SUSD1: variants seen among roughly 807,000 people sequenced by gnomAD.
The protein encoded by SUSD1 is sushi domain containing 1.
In SUSD1, 65 loss-of-function variants were observed where a neutral mutation model predicts 86.9. The observed-to-expected ratio is 0.75, with a 90% CI of 0.61 to 0.92. The LOEUF is 0.92. Ranked by LOEUF, SUSD1 falls within the 40% of genes least tolerant of loss-of-function variation. SUSD1 has a pLI of 0.00. For missense variants in SUSD1, 850 were observed against 929.7 expected, an observed-to-expected ratio of 0.91 and a Z score of 1.11; for synonymous variants, 346 against 350.0, an observed-to-expected ratio of 0.99 and a Z score of 0.13.
At chr9:112,131,527 C>T (rs1013778557) in intron 5 of SUSD1, among the ~76,000 whole-genome samples, 3 of 152,188 alleles carry the variant, frequency 2.0e-5, no homozygotes, top group Admixed American at 6.5e-5. Flanking sequence ...TTCCCAGCTA[C>T]TGCCACTTCT....
At chr9:112,052,759 C>A (rs1332907500) in intron 14 of SUSD1, among the ~76,000 whole-genome samples, 2 of 152,146 alleles carry the variant, frequency 1.3e-5, no homozygotes, top group Non-Finnish European at 2.9e-5. Context: ...CTGGCATGGA[C>A]CGCCTAGAGA....
chr9:112,063,165 C>T, intron 12 of SUSD1, 132 bp from the exon 13 acceptor site: 1 of 512,214 alleles, frequency 2.0e-6, no homozygotes, highest in Admixed American at 3.4e-5. Context: ...CTGTACATGC[C>T]ACAATGTGGA....
intron 5 of SUSD1, among the ~76,000 whole-genome samples, chr9:112,139,149 T>A (rs1306021519): frequency 6.6e-6 from 1 of 152,142 alleles, no homozygotes; most frequent in Non-Finnish European, 1.5e-5. Flanking sequence ...ATAGGTGAAA[T>A]CTCCCAAATC....
At chr9:112,100,429 A>G (rs1356351229) in intron 9 of SUSD1, among the ~76,000 whole-genome samples, 2 of 151,512 alleles carry the variant, frequency 1.3e-5, no homozygotes, top group Non-Finnish European at 2.9e-5. Context: ...CTCGTGATCC[A>G]CCCGCCTTGG....
chr9:112,055,200 T>G (rs961420690), intron 14 of SUSD1, among the ~76,000 whole-genome samples: 4 of 152,156 alleles, frequency 2.6e-5, no homozygotes, highest in Admixed American at 6.5e-5. Context: ...CCAAGGCAGG[T>G]GGATCGCTTG....
chr9:112,052,500 G>C (rs1004736781), intron 14 of SUSD1, 62 bp from the exon 15 acceptor site: 15 of 1,591,746 alleles, frequency 9.4e-6, no homozygotes, highest in Admixed American at 1.7e-5. Context: ...TTTAAATATA[G>C]TTTGGAGGCT....
chr9:112,078,807 TTCTC>T (rs1294678939), intron 11 of SUSD1, 83 bp from the exon 12 acceptor site: 4 of 1,176,610 alleles, frequency 3.4e-6, no homozygotes, highest in Non-Finnish European at 4.7e-6. Flanking sequence ...TCCTTTTTCT[TTCTC>T]TTTTTTTTTT....
chr9:112,104,634 G>A (rs993787655), intron 8 of SUSD1: 2 of 152,172 alleles, frequency 1.3e-5, no homozygotes, highest in African/African-American at 4.8e-5. Context: ...AAAGCACGGG[G>A]TGGTGGGCTT....
intron 5 of SUSD1, among the ~76,000 whole-genome samples, chr9:112,131,995 A>G (rs1832054335): frequency 6.6e-6 from 1 of 152,204 alleles, no homozygotes; most frequent in South Asian, 2.1e-4. Flanking sequence ...CTTATATCTC[A>G]TATCTTGAAG....
chr9:112,150,341 T>C (rs779132692), intron 2 of SUSD1, among the ~76,000 whole-genome samples: 1 of 152,250 alleles, frequency 6.6e-6, no homozygotes, highest in African/African-American at 2.4e-5. Context: ...ATCTACACAG[T>C]TAGCTTTTTT....
At chr9:112,112,518 C>G (rs140173216) in intron 7 of SUSD1, among the ~76,000 whole-genome samples, 9 of 152,200 alleles carry the variant, frequency 5.9e-5, no homozygotes, top group African/African-American at 1.9e-4. Context: ...CACCTCTAAT[C>G]CCAGCTACTC....
chr9:112,139,379 T>TAA, intron 5 of SUSD1, among the ~76,000 whole-genome samples: 2 of 152,278 alleles, frequency 1.3e-5, no homozygotes, highest in Admixed American at 1.3e-4. Context: ...AAACCCAGAT[T>TAA]AATTCATTCC....
At chr9:112,061,856 C>A (rs746155612) in intron 13 of SUSD1, among the ~76,000 whole-genome samples, 10 of 151,508 alleles carry the variant, frequency 6.6e-5, no homozygotes, top group Non-Finnish European at 1.0e-4. Flanking sequence ...TCAGCAGAGA[C>A]AAAGGCAATG....
chr9:112,157,490 C>A lies in SUSD1; in HGVS notation c.217+10G>T. On this transcript the variant is annotated intron_variant, in intron 2 of 16. Transcript: ENST00000374270. ...CAGCTTTTCAACTTAACCCAGAGTT[C>A]AGAACTTACCAACACACTGAGTCCT... The A allele has an allele frequency of 6.3e-7, 1 of 1,598,994 alleles. No individual in the cohort carries two copies. The highest frequency in any genetic ancestry group is 1.1e-5 in the South Asian group (1 of 90,394).
At chr9:112,104,939 T>C (rs1564298169) in intron 8 of SUSD1, 1 of 152,034 alleles carries the variant, frequency 6.6e-6, no homozygotes, top group Non-Finnish European at 1.5e-5. Flanking sequence ...AAAGAAAATA[T>C]TGAGCAAAAG....
chr9:112,097,688 C>T (rs1309389988), intron 10 of SUSD1, among the ~76,000 whole-genome samples: 4 of 152,132 alleles, frequency 2.6e-5, no homozygotes, highest in South Asian at 4.2e-4. Flanking sequence ...CGTGAGCCAC[C>T]GCACCCGGCC....
chr9:112,058,950 C>A (rs191921287), intron 13 of SUSD1, among the ~76,000 whole-genome samples: 1 of 152,144 alleles, frequency 6.6e-6, no homozygotes, highest in Non-Finnish European at 1.5e-5. Context: ...CATGCCACCA[C>A]GCCCAACTAA....
At position 112,111,690 on chromosome 9, in the gene SUSD1, G is replaced by A. The variant is rs778163116; in HGVS notation, c.1135C>T (p.Arg379Cys). ...AAACCGATGACGGCTGGCATCGAGC[G>A]CCTGGGAGGTGCTGTGGAGATGTTC... ...TVNISTAPPR[R>C]SMPAVIGFQT... The change falls in exon 8 of 17, where the codon CGC becomes TGC. Residue 379 changes from arginine to cysteine, a missense_variant. Arg to Cys is a radical substitution (Grantham distance 180). Coordinates refer to ENST00000374270, the MANE Select transcript of SUSD1 (RefSeq NM_022486.5). The A allele has an allele frequency of 5.3e-5, 85 of 1,614,048 alleles. 1 individual carries two copies. In the East Asian group the frequency reaches 7.4e-4, roughly 14 times the overall value.
At chr9:112,152,223 T>C (rs1833081344) in intron 2 of SUSD1, among the ~76,000 whole-genome samples, 1 of 150,770 alleles carries the variant, frequency 6.6e-6, no homozygotes, top group African/African-American at 2.4e-5. Context: ...AAAAAAGGGA[T>C]CTTTCTTCAA....
Sources: gnomAD v4.1 joint callset for allele counts (sites outside exome capture counted in the v4.1 genomes callset) on GRCh38, gnomAD v4.1.1 for gene constraint, MANE v1.5 for transcripts, NCBI Gene and HGNC (gene_info 2026-07-23, HGNC 2026-07-21) for gene names.